The following RBFOX1 variants were observed in gnomAD, a reference collection of about 807,000 sequenced individuals.
RBFOX1 encodes RNA binding protein fox-1 homolog 1.
Under a neutral mutation model 57.7 loss-of-function variants are expected in RBFOX1, and 8 were observed. The observed-to-expected ratio is 0.14, with a 90% CI of 0.08 to 0.25. The LOEUF (loss-of-function observed/expected upper bound fraction) is 0.25, where lower values mean the gene tolerates loss of function less well. RBFOX1 is among the 10% of genes least tolerant of loss of function. The pLI is 1.00. For synonymous variants in RBFOX1, 326 were observed against 222.4 expected (o/e 1.47, Z -4.15); for missense variants, 611 against 548.5 (o/e 1.11, Z -1.14).
At chr16:6,920,404 T>G (rs1035878057) in intron 3 of RBFOX1, among the ~76,000 whole-genome samples, 2 of 152,166 alleles carry the variant, frequency 1.3e-5, no homozygotes, top group South Asian at 2.1e-4. Flanking sequence ...TTCTACTGTT[T>G]CTCTTGCTTC....
Position 7,192,567 on chromosome 16 carries a change from A to C in RBFOX1, c.27+140469A>C, listed in dbSNP as rs998891808. Among the ~76,000 whole-genome samples the C allele has an allele frequency of 2.0e-5, 3 of 152,228 alleles. No individual in the cohort carries two copies. The East Asian group carries it at 5.8e-4, about 29-fold the overall frequency. ...CAAAGACAAATAACAGCAAAATACT[A>C]TGTGAAATCATAGAGGAGATCCAGA... On this transcript the variant is annotated intron_variant, in intron 4 of 15. Transcript: ENST00000550418.
At chr16:6,941,053 T>G (rs1597872580) in intron 3 of RBFOX1, among the ~76,000 whole-genome samples, 1 of 152,020 alleles carries the variant, frequency 6.6e-6, no homozygotes, top group African/African-American at 2.4e-5. Context: ...TATGTGCGTG[T>G]ACGTAAGTGT....
intron 4 of RBFOX1, among the ~76,000 whole-genome samples, chr16:6,013,086 TTA>T (rs1336317908): frequency 6.6e-6 from 1 of 152,192 alleles, no homozygotes; most frequent in Non-Finnish European, 1.5e-5. Flanking sequence ...TGTCCCCATT[TTA>T]TGTACAGGGA....
chr16:7,226,739 A>G (rs918723567), intron 4 of RBFOX1, among the ~76,000 whole-genome samples: 4 of 152,230 alleles, frequency 2.6e-5, no homozygotes, highest in African/African-American at 7.2e-5. Flanking sequence ...CAGTTAATCA[A>G]GAGGACTGGT....
chr16:5,937,871 A>G (rs943046442), intron 4 of RBFOX1, among the ~76,000 whole-genome samples: 6 of 151,624 alleles, frequency 4.0e-5, no homozygotes, highest in Admixed American at 3.3e-4. Context: ...ATACATGCTT[A>G]CATAGATATA....
chr16:7,119,898 T>C (rs1468124345), intron 4 of RBFOX1, among the ~76,000 whole-genome samples: 4 of 152,116 alleles, frequency 2.6e-5, no homozygotes, highest in Admixed American at 2.6e-4. Context: ...CAGCAGGATG[T>C]CCGTTCTGTT....
intron 4 of RBFOX1, among the ~76,000 whole-genome samples, chr16:7,440,983 G>T (rs1031933017): frequency 6.6e-6 from 1 of 152,076 alleles, no homozygotes; most frequent in South Asian, 2.1e-4. Flanking sequence ...TTGACGTTGC[G>T]CTGAGCTAGG....
intron 14 of RBFOX1, among the ~76,000 whole-genome samples, chr16:7,695,255 A>G (rs1170772175): frequency 2.6e-5 from 4 of 152,196 alleles, no homozygotes; most frequent in African/African-American, 9.7e-5. Context: ...GGAGACACCC[A>G]TATCCATCAA....
chr16:6,213,272 T>A (rs1248910661), intron 1 of RBFOX1, among the ~76,000 whole-genome samples: 2 of 152,232 alleles, frequency 1.3e-5, no homozygotes, highest in Non-Finnish European at 2.9e-5. Context: ...TCTAGGTGGC[T>A]TTGTCATAGG....
At chr16:6,614,272 TAGAA>T (rs1296434246) in intron 2 of RBFOX1, among the ~76,000 whole-genome samples, 2 of 152,272 alleles carry the variant, frequency 1.3e-5, no homozygotes, top group South Asian at 2.1e-4. Context: ...AAACTAAAGA[TAGAA>T]AGAATCCCTT....
At chr16:5,642,347 G>A (rs2048908488) in intron 3 of RBFOX1, among the ~76,000 whole-genome samples, 2 of 152,176 alleles carry the variant, frequency 1.3e-5, no homozygotes, top group East Asian at 1.9e-4. Context: ...CAATCCATGC[G>A]AGATCAAAAT....
At position 6,450,778 on chromosome 16, in the gene RBFOX1, T is replaced by C. The variant is rs1158146834; in HGVS notation, c.-64+133721T>C. Among the ~76,000 whole-genome samples, 12 of 52,330 alleles carry C rather than the reference T, an allele frequency of 2.3e-4. 1 individual carries two copies. The highest frequency in any genetic ancestry group is 1.1e-3 in the South Asian group (2 of 1,834). The allele number at this position is 52,330 out of a possible 152,430, so 34.3% of individuals were successfully genotyped here. ...ACATATATATATGTGTATATATATA[T>C]ATATATATATACATATATATATGTA... On this transcript the variant is annotated intron_variant, in intron 2 of 15. Transcript: ENST00000550418.
chr16:7,246,633 C>CTTTTTTTTTTTTTTTTTTTTTTTTTT (rs56654382), intron 4 of RBFOX1, among the ~76,000 whole-genome samples: 2 of 105,502 alleles, frequency 1.9e-5, no homozygotes, highest in African/African-American at 8.6e-5. Context: ...TGGTCACCTC[C>CTTTTTTTTTTTTTTTTTTTTTTTTTT]TTTTTTTTTT....
intron 10 of RBFOX1, among the ~76,000 whole-genome samples, chr16:7,618,608 T>G (rs1375042600): frequency 1.3e-5 from 2 of 152,202 alleles, no homozygotes; most frequent in Non-Finnish European, 2.9e-5. Flanking sequence ...CTTCCCACTT[T>G]CATTGTTCTT....
intron 4 of RBFOX1, among the ~76,000 whole-genome samples, chr16:7,230,148 T>C (rs941576333): frequency 2.6e-5 from 4 of 151,402 alleles, no homozygotes; most frequent in African/African-American, 4.9e-5. Flanking sequence ...CTCCTCATCC[T>C]TTTTTTCTGC....
At chr16:5,634,039 A>C (rs2048605123) in intron 3 of RBFOX1, among the ~76,000 whole-genome samples, 1 of 152,186 alleles carries the variant, frequency 6.6e-6, no homozygotes, top group African/African-American at 2.4e-5. Context: ...TGCCATCTAG[A>C]GGACACAGAC....
At chr16:6,228,515 T>C (rs56321531) in intron 1 of RBFOX1, among the ~76,000 whole-genome samples, 29,223 of 151,936 alleles carry the variant, frequency 0.19, 3,494 homozygotes, top group East Asian at 0.41. Flanking sequence ...TTTGCAACAA[T>C]ATGGTTGAAC....
At chr16:6,853,699 C>A (rs80095971) in intron 3 of RBFOX1, among the ~76,000 whole-genome samples, 1 of 152,092 alleles carries the variant, frequency 6.6e-6, no homozygotes, top group African/African-American at 2.4e-5. Context: ...ATTTATCACC[C>A]TGGTTGGATT....
At chr16:7,112,615 G>A (rs959024413) in intron 4 of RBFOX1, among the ~76,000 whole-genome samples, 2 of 151,672 alleles carry the variant, frequency 1.3e-5, no homozygotes, top group African/African-American at 4.8e-5. Flanking sequence ...AATAATGGCT[G>A]AGGCTGAAAA....
Sources: gnomAD v4.1 joint callset for allele counts (sites outside exome capture counted in the v4.1 genomes callset) on GRCh38, gnomAD v4.1.1 for gene constraint, MANE v1.5 for transcripts, NCBI Gene and HGNC (gene_info 2026-07-23, HGNC 2026-07-21) for gene names.